Variants in ZDHHC24 observed in about 807,000 individuals in gnomAD.
ZDHHC24 encodes probable palmitoyltransferase ZDHHC24.
A neutral mutation model predicts 23.2 loss-of-function variants in ZDHHC24; 17 were observed. The ratio of observed to expected loss-of-function variants is 0.73; its 90% CI spans 0.50 to 1.10. The LOEUF is 1.10. ZDHHC24 is among the 50% of genes least tolerant of loss of function. The pLI, the probability that ZDHHC24 is intolerant of heterozygous loss-of-function variation, is 0.00. For missense variants in ZDHHC24, 366 were observed against 393.0 expected (o/e 0.93, Z 0.58); for synonymous variants, 186 against 194.5 (o/e 0.96, Z 0.36).
chr11:66,531,938 C>T (rs766878866), downstream of ZDHHC24: 20 of 1,577,244 alleles, frequency 1.3e-5, no homozygotes, highest in Non-Finnish European at 1.5e-5. Flanking sequence ...CTGCCATGGC[C>T]ACTCCTCCAT....
intron 3 of ZDHHC24, chr11:66,529,155 C>G: frequency 4.3e-6 from 4 of 924,076 alleles, no homozygotes; most frequent in Non-Finnish European, 5.0e-6. Flanking sequence ...CCTGGGGGAC[C>G]GAGGTGCCCA....
intron 2 of ZDHHC24, among the ~76,000 whole-genome samples, 164 bp downstream of exon 2, chr11:66,543,540 A>G (rs3825065): frequency 0.25 from 37,987 of 152,094 alleles, 4,977 homozygotes; most frequent in East Asian, 0.27. Flanking sequence ...ACCAGTTTCC[A>G]TACTGCACCC....
chr11:66,522,282 G>A (rs997100131), intron 4 of ZDHHC24, among the ~76,000 whole-genome samples: 1 of 151,546 alleles, frequency 6.6e-6, no homozygotes, highest in African/African-American at 2.4e-5. Context: ...TTACTTTCTA[G>A]GGTACATGAC....
intron 4 of ZDHHC24, chr11:66,522,879 C>T (rs1390099579): frequency 3.0e-5 from 10 of 336,868 alleles, no homozygotes; most frequent in South Asian, 2.1e-4. Flanking sequence ...ATCAGGAACA[C>T]CTCTCTGTGG....
Position 66,536,201 on chromosome 11 carries a change from G to A in ZDHHC24, c.*3328C>T, listed in dbSNP as rs1856958560. On this transcript the variant is annotated 3_prime_UTR_variant, in exon 3 of 3. Transcript: ENST00000310442. ...AAATGGTAACCTTCTCAAATGCAGT[G>A]GGGCTGTTTCCTCTTAATTTTTATA... 6.6e-6 allele frequency: 1 copy of A among 152,412 alleles called. No homozygotes were observed. The highest frequency in any genetic ancestry group is 2.4e-5 in the African/African-American group (1 of 41,446). 9.4% of individuals were successfully genotyped at this position (152,412 alleles called of 1,614,324 possible). A position where few individuals can be genotyped will look rare whatever the true frequency, so the allele number is the denominator to read the frequency against.
intron 2 of ZDHHC24, among the ~76,000 whole-genome samples, chr11:66,541,287 C>T (rs892139291): frequency 3.9e-5 from 6 of 152,002 alleles, no homozygotes; most frequent in Admixed American, 3.9e-4. Flanking sequence ...CCTGTAATCC[C>T]AGCTACTCGG....
chr11:66,536,032 C>T lies in ZDHHC24; in HGVS notation c.*3497G>A, dbSNP rs1380648073. Reference sequence around the variant, plus strand: ...AAAAGGCAAACTGTAAAAGAATAAACTCTGCATGATTTCATTCATATATTT... The same window carrying T: ...AAAAGGCAAACTGTAAAAGAATAAATTCTGCATGATTTCATTCATATATTT... On this transcript the variant is annotated 3_prime_UTR_variant, in exon 3 of 3. Coordinates refer to ENST00000310442, the MANE Select transcript of ZDHHC24 (RefSeq NM_207340.3). 6.6e-6 allele frequency: 1 copy of T among 152,140 alleles called. No individual in the cohort carries two copies. Among genetic ancestry groups the T allele is most frequent in the Non-Finnish European group, 1.5e-5 (1 of 68,034 alleles). The allele number at this position is 152,140 out of a possible 1,614,324, so 9.4% of individuals were successfully genotyped here.
At chr11:66,540,717 GA>G (rs60384433) in intron 2 of ZDHHC24, among the ~76,000 whole-genome samples, 1,859 of 134,872 alleles carry the variant, frequency 0.014, 37 homozygotes, top group African/African-American at 0.043. Context: ...GACAGAGTGA[GA>G]AAAAAAAAAA....
Position 66,543,869 on chromosome 11 carries a change from C to A in ZDHHC24, c.394G>T (p.Gly132Cys). The A allele has an allele frequency of 6.2e-7, 1 of 1,613,902 alleles. No homozygotes were observed. Reference protein sequence around the residue: ...HHCRLLGRCVGFGNYRPFLCL... With the variant: ...HHCRLLGRCVCFGNYRPFLCL... Reference sequence around the variant, plus strand: ...AGGAAGGGCCGGTAGTTGCCGAAGCCCACGCAGCGGCCCAGCAGGCGGCAG... The same window carrying A: ...AGGAAGGGCCGGTAGTTGCCGAAGCACACGCAGCGGCCCAGCAGGCGGCAG... Residue 132 changes from glycine (G) to cysteine (C), a missense_variant, in exon 2 of 3, where the codon GGC becomes TGC. Coordinates refer to ENST00000310442, the MANE Select transcript of ZDHHC24 (RefSeq NM_207340.3).
chr11:66,528,786 T>C (rs373013843), intron 3 of ZDHHC24, among the ~76,000 whole-genome samples: 1 of 151,920 alleles, frequency 6.6e-6, no homozygotes, highest in East Asian at 1.9e-4. Context: ...CTGACCAACA[T>C]GGTGAAACCC....
chr11:66,540,243 C>A (rs1023682343), intron 2 of ZDHHC24, among the ~76,000 whole-genome samples: 8 of 152,008 alleles, frequency 5.3e-5, no homozygotes, highest in Non-Finnish European at 1.0e-4. Context: ...CACGGTAAAA[C>A]CCCGTCTCTA....
rs758413494 is a variant in ZDHHC24, at chr11:66,545,739, G to T, written c.265C>A (p.Leu89Met). ...IRGVMLAGRGLGQGWAYCYQC... is the reference protein window; with the variant it reads ...IRGVMLAGRGMGQGWAYCYQC... The stretch of plus-strand genomic sequence containing the variant: ...CCCACTCACGCCCAGCCCTGGCCCA[G>T]ACCGCGGCCGGCCAGCATCACGCCA... The change falls in exon 1 of 3, where the codon CTG becomes ATG. Residue 89 changes from leucine (L) to methionine (M), a missense_variant. Physicochemically the swap from Leu to Met is conservative, Grantham distance 15. Coordinates refer to ENST00000310442, the MANE Select transcript of ZDHHC24 (RefSeq NM_207340.3). The surrounding 1 kb of genome is among the most constrained non-coding windows in gnomAD (Gnocchi z 4.5). The T allele has an allele frequency of 5.1e-6, 8 of 1,581,960 alleles. No individual in the cohort carries two copies. Among genetic ancestry groups the T allele is most frequent in the South Asian group, 4.6e-5 (4 of 87,450 alleles).
chr11:66,524,978 A>T (rs545301538), intron 4 of ZDHHC24, among the ~76,000 whole-genome samples: 1 of 152,146 alleles, frequency 6.6e-6, no homozygotes, highest in African/African-American at 2.4e-5. Flanking sequence ...AGGCAGGCAG[A>T]TCACAAGGTC....
At chr11:66,526,594 G>C (rs180982326) in intron 4 of ZDHHC24, 113 of 1,610,532 alleles carry the variant, frequency 7.0e-5, no homozygotes, top group Middle Eastern at 4.9e-4. Flanking sequence ...AGAAAGAATG[G>C]GAATGTGGGT....
chr11:66,540,928 G>A (rs1490965566), intron 2 of ZDHHC24, among the ~76,000 whole-genome samples: 2 of 152,168 alleles, frequency 1.3e-5, no homozygotes, highest in African/African-American at 2.4e-5. Context: ...GAATAGGCAA[G>A]TCCACAGAGA....
intron 3 of ZDHHC24, among the ~76,000 whole-genome samples, chr11:66,528,892 C>T (rs568128930): frequency 1.2e-4 from 17 of 143,704 alleles, no homozygotes; most frequent in African/African-American, 2.8e-4. Context: ...CGATTGAACC[C>T]GGGAGGCAGA....
At chr11:66,530,753 T>C, downstream of ZDHHC24, 1 of 1,250,124 alleles carries the variant, frequency 8.0e-7, no homozygotes, top group South Asian at 1.2e-5. Context: ...CTGCCCCTTC[T>C]GGTCTTCTGT....
At chr11:66,540,638 T>G (rs28637515) in intron 2 of ZDHHC24, among the ~76,000 whole-genome samples, 2,973 of 148,582 alleles carry the variant, frequency 0.02, 87 homozygotes, top group African/African-American at 0.07. Flanking sequence ...TGAGGCAGGA[T>G]AATCGCTTGA....
intron 3 of ZDHHC24, chr11:66,529,233 T>C (rs1856655879): frequency 6.7e-7 from 1 of 1,500,718 alleles, no homozygotes; most frequent in Non-Finnish European, 8.9e-7. Flanking sequence ...GGAAGAGTCA[T>C]GTGATCCTGC....
Sources: allele counts gnomAD v4.1 joint callset (sites outside exome capture counted in the v4.1 genomes callset), GRCh38; gene constraint gnomAD v4.1.1; non-coding constraint Gnocchi (gnomAD v3.1); transcripts MANE v1.5; gene names NCBI Gene and HGNC (gene_info 2026-07-23, HGNC 2026-07-21).